The following POLA1 variants were observed in gnomAD, a reference collection of about 807,000 sequenced individuals.
The protein encoded by POLA1 is DNA polymerase alpha 1, catalytic subunit, also known as DNA polymerase alpha catalytic subunit.
In POLA1, 15 loss-of-function variants were observed where a neutral mutation model predicts 124.0. The ratio of observed to expected loss-of-function variants is 0.12; its 90% CI spans 0.08 to 0.19. The LOEUF is 0.19. POLA1 is among the 10% of genes least tolerant of loss of function. The probability of loss-of-function intolerance (pLI) is 1.00; values close to 1 mark genes in which losing one functional copy is unlikely to be tolerated. For synonymous variants in POLA1, 408 were observed against 389.4 expected (o/e 1.05, Z -0.56); for missense variants, 886 against 1,103.4 (o/e 0.80, Z 2.79).
At chrX:24,906,195 A>G (rs1391517569) in intron 35 of POLA1, among the ~76,000 whole-genome samples, 1 of 112,497 alleles carries the variant, frequency 8.9e-6, no homozygotes, top group Admixed American at 9.4e-5. Context: ...TATGGAAGAC[A>G]CATGCACATG....
At chrX:24,717,267 A>G (rs900928538) in intron 8 of POLA1, 23 bp from the exon 9 acceptor site, 6 of 1,178,662 alleles carry the variant, frequency 5.1e-6, no homozygotes, top group Non-Finnish European at 5.8e-6. Context: ...ACACATGACA[A>G]GAATGTGTGA....
At chrX:24,974,997 T>A (rs1387766264) in intron 36 of POLA1, among the ~76,000 whole-genome samples, 5 of 111,916 alleles carry the variant, frequency 4.5e-5, no homozygotes, top group Non-Finnish European at 1.9e-5. Context: ...AAAATGGCCT[T>A]GGTCTTTGGG....
At chrX:24,923,839 G>A (rs2047653167) in intron 35 of POLA1, among the ~76,000 whole-genome samples, 1 of 111,509 alleles carries the variant, frequency 9.0e-6, no homozygotes, top group Admixed American at 9.5e-5. Context: ...TTGCAAAATA[G>A]CTAAGTTAAC....
intron 34 of POLA1, among the ~76,000 whole-genome samples, chrX:24,876,895 T>G (rs1385214781): frequency 8.9e-6 from 1 of 112,188 alleles, no homozygotes; most frequent in Non-Finnish European, 1.9e-5. Context: ...TCATTCGTTC[T>G]TTGACTTCAG....
chrX:24,778,810 G>A (rs1223267416), intron 26 of POLA1, among the ~76,000 whole-genome samples: 2 of 111,481 alleles, frequency 1.8e-5, no homozygotes, highest in Admixed American at 1.9e-4. Flanking sequence ...GATGGAATTA[G>A]GATTTGAACC....
chrX:24,700,968 T>A (rs1246346518), intron 2 of POLA1, among the ~76,000 whole-genome samples: 1 of 111,745 alleles, frequency 8.9e-6, no homozygotes, highest in African/African-American at 3.3e-5. Context: ...TTTTAAAGAT[T>A]GAGTCGAAAT....
chrX:24,935,263 G>C (rs1002397706), intron 36 of POLA1, among the ~76,000 whole-genome samples: 28 of 112,533 alleles, frequency 2.5e-4, no homozygotes, highest in African/African-American at 7.1e-4. Flanking sequence ...TTTTGGGGGG[G>C]CACAATTCAG....
At chrX:24,756,520 A>G (rs1289820756) in intron 26 of POLA1, among the ~76,000 whole-genome samples, 4 of 109,295 alleles carry the variant, frequency 3.7e-5, no homozygotes. Context: ...CCGAGACCGC[A>G]TCACTGCACA....
At chrX:24,808,650 A>G (rs2045846662) in intron 26 of POLA1, among the ~76,000 whole-genome samples, 1 of 111,551 alleles carries the variant, frequency 9.0e-6, no homozygotes, top group Non-Finnish European at 1.9e-5. Flanking sequence ...CTAAGAACAT[A>G]ATATTAATAC....
intron 32 of POLA1, among the ~76,000 whole-genome samples, chrX:24,835,596 A>C (rs2046331864): frequency 1.8e-5 from 2 of 109,395 alleles, no homozygotes; most frequent in Non-Finnish European, 3.8e-5. Context: ...CCAGTTTGTT[A>C]ATTAAAGAAA....
At chrX:24,738,085 C>T (rs373509782) in intron 19 of POLA1, among the ~76,000 whole-genome samples, 3 of 103,969 alleles carry the variant, frequency 2.9e-5, no homozygotes, top group South Asian at 8.3e-4. Flanking sequence ...CGGTGGCGGG[C>T]GCCTGTAGTC....
At chrX:24,719,567 C>T (rs1185976149) in intron 10 of POLA1, among the ~76,000 whole-genome samples, 2 of 111,573 alleles carry the variant, frequency 1.8e-5, no homozygotes, top group African/African-American at 6.5e-5. Flanking sequence ...CCCAGGGCTG[C>T]CCCATTGTAC....
At position 24,817,748 on chromosome X, in the gene POLA1, G is replaced by A. The variant is rs781500563; in HGVS notation, c.3429+2637G>A. Among the ~76,000 whole-genome samples the A allele has an allele frequency of 7.2e-5, 8 of 110,633 alleles. No individual in the cohort carries two copies. The South Asian group carries it at 3.0e-3, about 42-fold the overall frequency. ...AAAGGGCTATCTTTATTGTAGTTCT[G>A]TATCTATTTACAGTAAGCTATTCAT... On this transcript the variant is annotated intron_variant, in intron 30 of 36. Transcript: ENST00000379068.
intron 34 of POLA1, among the ~76,000 whole-genome samples, chrX:24,856,070 T>G (rs189321514): frequency 8.9e-6 from 1 of 112,243 alleles, no homozygotes; most frequent in African/African-American, 3.2e-5. Flanking sequence ...GAGTTTGTTC[T>G]TTTACAAATT....
chrX:24,930,284 A>G (rs1013109105), intron 35 of POLA1, among the ~76,000 whole-genome samples, 169 bp from the exon 36 acceptor site: 1 of 112,157 alleles, frequency 8.9e-6, no homozygotes, highest in Non-Finnish European at 1.9e-5. Flanking sequence ...TGTATATGCT[A>G]TATAAGAGGG....
intron 34 of POLA1, among the ~76,000 whole-genome samples, chrX:24,857,124 A>G (rs748154234): frequency 5.4e-5 from 6 of 111,744 alleles, no homozygotes; most frequent in Non-Finnish European, 1.1e-4. Flanking sequence ...GCAGAGTTCA[A>G]TTTTTTTCTT....
intron 36 of POLA1, among the ~76,000 whole-genome samples, chrX:24,984,250 C>T (rs2048453816): frequency 8.9e-6 from 1 of 112,195 alleles, no homozygotes; most frequent in African/African-American, 3.2e-5. Context: ...GGGGATTCTT[C>T]CTTGGTAGCT....
At chrX:24,697,980 C>G (rs1928136234) in intron 1 of POLA1, among the ~76,000 whole-genome samples, 1 of 105,835 alleles carries the variant, frequency 9.4e-6, no homozygotes, top group East Asian at 2.9e-4. Flanking sequence ...CTCGCTCTGT[C>G]ACCCAGGCTG....
chrX:24,897,367 C>G (rs1006413961), intron 35 of POLA1, among the ~76,000 whole-genome samples: 1 of 97,363 alleles, frequency 1.0e-5, no homozygotes, highest in African/African-American at 4.0e-5. Context: ...GCCCCCCCCC[C>G]CACCAACCCC....
Sources: allele counts gnomAD v4.1 joint callset (sites outside exome capture counted in the v4.1 genomes callset), GRCh38; gene constraint gnomAD v4.1.1; transcripts MANE v1.5; gene names NCBI Gene and HGNC (gene_info 2026-07-23, HGNC 2026-07-21).